The following PHLPP1 variants were observed in gnomAD, a reference collection of about 807,000 sequenced individuals.
PHLPP1 encodes the protein PH domain and leucine rich repeat protein phosphatase 1, also known as PH domain leucine-rich repeat-containing protein phosphatase 1.
A neutral mutation model predicts 117.2 loss-of-function variants in PHLPP1; 42 were observed. The ratio of observed to expected loss-of-function variants is 0.36; its 90% confidence interval spans 0.28 to 0.46. The LOEUF is 0.46. Ranked by LOEUF, PHLPP1 falls within the 20% of genes least tolerant of loss-of-function variation. PHLPP1 has a pLI of 1.00. For missense variants in PHLPP1, 2,084 were observed against 2,241.9 expected, an observed-to-expected ratio of 0.93 and a Z score of 1.42; for synonymous variants, 1,042 against 970.7, an observed-to-expected ratio of 1.07 and a Z score of -1.37.
rs866345849 is a variant in PHLPP1 at position 62,896,255 on chromosome 18, T to G, written c.2444+244T>G. On this transcript the variant is annotated intron_variant, in intron 6 of 16. Transcript: ENST00000262719. ...ACCCAGTTGAGTGAGAGAGCTGTTT[T>G]TTGTTGTTGTTGTTGGTTTTTGTTT... is the stretch of plus-strand genomic sequence containing the variant. Among the ~76,000 whole-genome samples, 3 of 151,930 alleles carry G rather than the reference T, an allele frequency of 2.0e-5. No individual in the cohort carries two copies. The South Asian group carries it at 6.2e-4, about 32-fold the overall frequency.
intron 1 of PHLPP1, among the ~76,000 whole-genome samples, chr18:62,823,991 G>A (rs536755629): frequency 6.6e-6 from 1 of 152,236 alleles, no homozygotes; most frequent in African/African-American, 2.4e-5. Context: ...AATTAGCCAG[G>A]CGTGGTGGCG....
intron 1 of PHLPP1, among the ~76,000 whole-genome samples, chr18:62,748,211 A>C (rs1911734956): frequency 1.3e-5 from 2 of 151,640 alleles, no homozygotes; most frequent in Non-Finnish European, 2.9e-5. Flanking sequence ...GGCTATGTTG[A>C]TAAATAGCAG....
chr18:62,962,575 C>T (rs775819633), intron 13 of PHLPP1, among the ~76,000 whole-genome samples: 1 of 152,198 alleles, frequency 6.6e-6, no homozygotes, highest in Non-Finnish European at 1.5e-5. Flanking sequence ...TCCCAAAGTG[C>T]TGGGATTACA....
At chr18:62,816,209 C>G (rs1438375568) in intron 1 of PHLPP1, among the ~76,000 whole-genome samples, 3 of 152,106 alleles carry the variant, frequency 2.0e-5, no homozygotes, top group Admixed American at 2.0e-4. Context: ...CTCTTGAAAC[C>G]TATTTTCAAA....
At position 62,950,485 on chromosome 18, in the gene PHLPP1, C is replaced by G. The variant is rs146674647; in HGVS notation, c.3324+5214C>G. 3.3e-5 allele frequency among the ~76,000 whole-genome samples: 5 copies of G among 152,262 alleles called. No homozygotes were observed. In the East Asian group the frequency reaches 9.6e-4, roughly 29 times the overall value. On this transcript the variant is annotated intron_variant, in intron 12 of 16. Transcript: ENST00000262719. Reference sequence around the variant, plus strand: ...AAGCCCTGTTTGTTGTTGTTCTTGTCTCTAAAGTAAAATGAAATAGAGAAT... The same window carrying G: ...AAGCCCTGTTTGTTGTTGTTCTTGTGTCTAAAGTAAAATGAAATAGAGAAT...
At chr18:62,916,706 T>A (rs914944633) in intron 9 of PHLPP1, among the ~76,000 whole-genome samples, 4 of 149,958 alleles carry the variant, frequency 2.7e-5, no homozygotes, top group African/African-American at 9.8e-5. Context: ...TTGAAAAAAA[T>A]TTTTTACCTT....
intron 10 of PHLPP1, among the ~76,000 whole-genome samples, chr18:62,938,330 G>A (rs556073546): frequency 1.3e-5 from 2 of 152,236 alleles, no homozygotes; most frequent in African/African-American, 4.8e-5. Context: ...TGGGGTTCTG[G>A]AGCCTATTTA....
In PHLPP1 at chr18:62,794,371, CT is replaced by C. The variant is rs34983071; in HGVS notation, c.1577-35650del. Reference sequence around the variant, plus strand: ...TTTTTTGTTGAGAGTTTAATTATTACTTTTTTTTTTTTTTAAGGCAGATTCT... The same window carrying C: ...TTTTTTGTTGAGAGTTTAATTATTACTTTTTTTTTTTTTAAGGCAGATTCT... On this transcript the variant is annotated intron_variant, in intron 1 of 16. Coordinates refer to ENST00000262719, the MANE Select transcript of PHLPP1 (RefSeq NM_194449.4). Among the ~76,000 whole-genome samples the C allele has an allele frequency of 9.8e-3, 1,386 of 141,894 alleles. 11 individuals carry two copies. Among genetic ancestry groups the C allele is most frequent in the African/African-American group, 0.021 (831 of 38,910 alleles). 93.1% of individuals were successfully genotyped at this position (141,894 alleles called of 152,430 possible).
intron 10 of PHLPP1, among the ~76,000 whole-genome samples, chr18:62,923,539 T>A (rs1368927933): frequency 6.6e-6 from 1 of 152,186 alleles, no homozygotes; most frequent in African/African-American, 2.4e-5. Context: ...AGCTGTTTTT[T>A]TAAACCTATT....
intron 4 of PHLPP1, among the ~76,000 whole-genome samples, chr18:62,887,514 G>A (rs1916313103): frequency 6.6e-6 from 1 of 152,212 alleles, no homozygotes; most frequent in Non-Finnish European, 1.5e-5. Context: ...CAGGTTTGGT[G>A]TCTGGTGAGG....
At chr18:62,739,927 A>G (rs1023789183) in intron 1 of PHLPP1, among the ~76,000 whole-genome samples, 2 of 152,190 alleles carry the variant, frequency 1.3e-5, no homozygotes, top group African/African-American at 4.8e-5. Context: ...TTGTGAATTC[A>G]TGAGTGATTT....
At chr18:62,845,719 A>G (rs1477481943) in intron 3 of PHLPP1, among the ~76,000 whole-genome samples, 2 of 152,170 alleles carry the variant, frequency 1.3e-5, no homozygotes, top group Non-Finnish European at 2.9e-5. Flanking sequence ...TTTTGTTAGC[A>G]TGGTCTGCCA....
chr18:62,949,635 T>C (rs183976456), intron 12 of PHLPP1, among the ~76,000 whole-genome samples: 115 of 152,336 alleles, frequency 7.5e-4, no homozygotes, highest in Middle Eastern at 3.4e-3. Context: ...CCCTTTCGCA[T>C]TGATCTTTCA....
chr18:62,790,599 A>G (rs1913427816), intron 1 of PHLPP1, among the ~76,000 whole-genome samples: 1 of 152,200 alleles, frequency 6.6e-6, no homozygotes, highest in Non-Finnish European at 1.5e-5. Flanking sequence ...TATTAATATT[A>G]TTGTTAGCAG....
Position 62,978,133 on chromosome 18 carries a change from C to CCTCTGTGGGCCACACAGCACTT in PHLPP1, c.3985-120_3985-99dup. Reference sequence around the variant, plus strand: ...CTCACTACAGAGTGAGCCCTTCTTTCCTCTGTGGGCCACACAGCACTTCTC... The same window carrying CCTCTGTGGGCCACACAGCACTT: ...CTCACTACAGAGTGAGCCCTTCTTTCCTCTGTGGGCCACACAGCACTTCTCTGTGGGCCACACAGCACTTCTC... On this transcript the variant is annotated intron_variant, in intron 16 of 16. Transcript: ENST00000262719. This position sits in a 1 kb window ranked among gnomAD's most constrained non-coding sequence, Gnocchi z 7.0. 1 of 610,678 alleles carries CCTCTGTGGGCCACACAGCACTT rather than the reference C, an allele frequency of 1.6e-6. No individual in the cohort carries two copies. The highest frequency in any genetic ancestry group is 2.9e-6 in the Non-Finnish European group (1 of 340,910). The allele number at this position is 610,678 out of a possible 1,614,324, so 37.8% of individuals were successfully genotyped here.
intron 1 of PHLPP1, among the ~76,000 whole-genome samples, chr18:62,761,365 G>C (rs1912223476): frequency 6.6e-6 from 1 of 152,054 alleles, no homozygotes; most frequent in Non-Finnish European, 1.5e-5. Context: ...GGGCGCAGTG[G>C]CTCACGCCTG....
In PHLPP1 at chr18:62,849,822, A is replaced by T. The variant is rs1321088914; in HGVS notation, c.1900-10613A>T. Among the ~76,000 whole-genome samples, 164 of 45,474 alleles carry T rather than the reference A, an allele frequency of 3.6e-3. 1 individual carries two copies. The highest frequency in any genetic ancestry group is 0.013 in the African/African-American group (145 of 11,060). The allele number at this position is 45,474 out of a possible 152,430, so 29.8% of individuals were successfully genotyped here. A position where few individuals can be genotyped will look rare whatever the true frequency, so the allele number is the denominator to read the frequency against. ...CAAAAAAAAAAAAAAAAAAAAAAAA[A>T]AAAAAAAAAAATATATATATCCTTT... On this transcript the variant is annotated intron_variant, in intron 3 of 16. Transcript: ENST00000262719.
chr18:62,853,164 T>C (rs1915403242), intron 3 of PHLPP1, among the ~76,000 whole-genome samples: 2 of 152,134 alleles, frequency 1.3e-5, no homozygotes, highest in African/African-American at 2.4e-5. Flanking sequence ...AGAGGAAATA[T>C]TTTGAGGACC....
chr18:62,975,009 A>G (rs1282524794), intron 15 of PHLPP1, among the ~76,000 whole-genome samples: 1 of 152,096 alleles, frequency 6.6e-6, no homozygotes, highest in Non-Finnish European at 1.5e-5. Context: ...CTGGGGACAG[A>G]GGGGATTTAG....
Sources: allele counts gnomAD v4.1 joint callset (sites outside exome capture counted in the v4.1 genomes callset), GRCh38; gene constraint gnomAD v4.1.1; non-coding constraint Gnocchi (gnomAD v3.1); transcripts MANE v1.5; gene names NCBI Gene and HGNC (gene_info 2026-07-23, HGNC 2026-07-21).